NFU1: variants seen among roughly 807,000 people sequenced by gnomAD.
NFU1 encodes the protein NFU1 iron-sulfur cluster scaffold, also known as NFU1 iron-sulfur cluster scaffold homolog, mitochondrial.
In NFU1, 30 loss-of-function variants were observed where a neutral mutation model predicts 32.2. That is an observed-to-expected ratio of 0.93 (90% CI 0.70 to 1.26). The LOEUF (loss-of-function observed/expected upper bound fraction) is 1.26. Among genes scored for constraint, NFU1 ranks in the 50% most tolerant of loss-of-function variants. The pLI is 0.00. For synonymous variants in NFU1, 112 were observed against 104.6 expected (o/e 1.07, Z -0.43); for missense variants, 306 against 306.6 (o/e 1.00, Z 0.02).
At chr2:69,418,567 C>T (rs1002778543) in intron 4 of NFU1, among the ~76,000 whole-genome samples, 1 of 152,080 alleles carries the variant, frequency 6.6e-6, no homozygotes, top group African/African-American at 2.4e-5. Context: ...CCCGGGTTCA[C>T]GCCATTCTCC....
At chr2:69,409,183 A>C (rs575995706) in intron 5 of NFU1, among the ~76,000 whole-genome samples, 7 of 152,112 alleles carry the variant, frequency 4.6e-5, no homozygotes, top group Non-Finnish European at 8.8e-5. Context: ...AAATTACTCT[A>C]AAAAGTTATA....
chr2:69,398,770 C>T (rs1045167803), intron 7 of NFU1, among the ~76,000 whole-genome samples: 1 of 152,116 alleles, frequency 6.6e-6, no homozygotes, highest in Non-Finnish European at 1.5e-5. Context: ...TCTTTCTGAC[C>T]AACTGGATTT....
rs1672462082 is a variant in NFU1, at chr2:69,399,905, T to G, written c.720+459A>C. Reference sequence around the variant, plus strand: ...TTTTTTTTTTTTGACGGAGTTTCGCTTTTGTTGCCCAGGCTGGAGTGCAAT... The same window carrying G: ...TTTTTTTTTTTTGACGGAGTTTCGCGTTTGTTGCCCAGGCTGGAGTGCAAT... On this transcript the variant is annotated intron_variant, in intron 7 of 7. Coordinates refer to ENST00000410022, the MANE Select transcript of NFU1 (RefSeq NM_001002755.4). Among the ~76,000 whole-genome samples the G allele has an allele frequency of 2.6e-5, 4 of 151,928 alleles. No homozygotes were observed. The South Asian group carries it at 8.3e-4, about 31-fold the overall frequency.
At chr2:69,412,423 G>T (rs559502798) in intron 5 of NFU1, among the ~76,000 whole-genome samples, 143 of 148,672 alleles carry the variant, frequency 9.6e-4, no homozygotes, top group African/African-American at 3.5e-3. Context: ...GTCTCGCCCT[G>T]TCTCCCAGGC....
rs1055571062 is a variant in NFU1 at position 69,404,621 on chromosome 2, T to A, written c.545+1401A>T. On this transcript the variant is annotated intron_variant, in intron 6 of 7. Transcript: ENST00000410022. ...ATAACTACTATCTTAGCAAATTTTT[T>A]TTTTTTTTTTTTTTTTTGAGAAAGA... Among the ~76,000 whole-genome samples, 183 of 114,772 alleles carry A rather than the reference T, an allele frequency of 1.6e-3. 5 individuals carry two copies. Among genetic ancestry groups the A allele is most frequent in the African/African-American group, 7.5e-3 (173 of 23,106 alleles). The allele number at this position is 114,772 out of a possible 152,430, so 75.3% of individuals were successfully genotyped here.
chr2:69,399,751 T>C (rs886612751), intron 7 of NFU1, among the ~76,000 whole-genome samples: 1 of 152,214 alleles, frequency 6.6e-6, no homozygotes, highest in Admixed American at 6.5e-5. Context: ...GGCAGCAATA[T>C]GCCCTCTGAG....
chr2:69,412,536 G>A (rs1026119189), intron 5 of NFU1, among the ~76,000 whole-genome samples: 15 of 151,632 alleles, frequency 9.9e-5, no homozygotes, highest in South Asian at 2.1e-4. Context: ...ACAGGCACGC[G>A]CCACCACACC....
rs1219902624 is a variant in NFU1 at position 69,408,769 on chromosome 2, T to TATAC, written c.485-2688_485-2687insGTAT. 2.9e-3 allele frequency among the ~76,000 whole-genome samples: 381 copies of TATAC among 133,564 alleles called. 1 individual carries two copies. The highest frequency in any genetic ancestry group is 4.8e-3 in the Non-Finnish European group (302 of 62,334). The allele number at this position is 133,564 out of a possible 152,430, so 87.6% of individuals were successfully genotyped here. On this transcript the variant is annotated intron_variant, in intron 5 of 7. Coordinates refer to ENST00000410022, the MANE Select transcript of NFU1 (RefSeq NM_001002755.4). Reference sequence around the variant, plus strand: ...ATATATATATATATATATATATATATACACACACACATACATACATCAATG... The same window carrying TATAC: ...ATATATATATATATATATATATATATATACACACACACACATACATACATCAATG...
intron 4 of NFU1, among the ~76,000 whole-genome samples, chr2:69,417,672 A>G (rs1341364163): frequency 6.6e-6 from 1 of 151,898 alleles, no homozygotes; most frequent in Non-Finnish European, 1.5e-5. Context: ...GTAGATAGAT[A>G]GATATACACA....
chr2:69,414,633 A>C (rs1326362651), intron 5 of NFU1, among the ~76,000 whole-genome samples: 2 of 151,466 alleles, frequency 1.3e-5, no homozygotes, highest in Non-Finnish European at 2.9e-5. Context: ...AAAAAAAAAA[A>C]AAAAAAAAAC....
In NFU1 at chr2:69,412,650, C is replaced by G. The variant is rs554291722; in HGVS notation, c.484+2535G>C. Among the ~76,000 whole-genome samples, 9 of 151,846 alleles carry G rather than the reference C, an allele frequency of 5.9e-5. 1 individual carries two copies. Among genetic ancestry groups the G allele is most frequent in the South Asian group, 4.1e-4 (2 of 4,822 alleles). On this transcript the variant is annotated intron_variant, in intron 5 of 7. Transcript: ENST00000410022. Reference sequence around the variant, plus strand: ...TCCACCCGCCTCGGCCTCCCAAATTCCTGGGATTACAGGCGTGAGCCACCA... The same window carrying G: ...TCCACCCGCCTCGGCCTCCCAAATTGCTGGGATTACAGGCGTGAGCCACCA...
chr2:69,420,754 G>A (rs764409098), intron 3 of NFU1, among the ~76,000 whole-genome samples: 5 of 151,830 alleles, frequency 3.3e-5, no homozygotes, highest in African/African-American at 1.2e-4. Context: ...GTAGTGACAG[G>A]GTTTTATGTA....
intron 1 of NFU1, among the ~76,000 whole-genome samples, chr2:69,434,301 G>A (rs1335323396): frequency 6.6e-6 from 1 of 151,730 alleles, no homozygotes; most frequent in African/African-American, 2.4e-5. Context: ...CCACCACCAT[G>A]CCCGGCTAAT....
At chr2:69,409,397 A>G (rs1200696301) in intron 5 of NFU1, among the ~76,000 whole-genome samples, 1 of 152,132 alleles carries the variant, frequency 6.6e-6, no homozygotes, top group East Asian at 1.9e-4. Context: ...TATTTCAGTG[A>G]ACATGTTTCT....
At chr2:69,416,401 T>C (rs1368308937) in intron 4 of NFU1, among the ~76,000 whole-genome samples, 1 of 149,252 alleles carries the variant, frequency 6.7e-6, no homozygotes, top group Non-Finnish European at 1.5e-5. Context: ...TTCACTTTCA[T>C]TGTTTTAATT....
chr2:69,429,985 C>T, intron 2 of NFU1: 1 of 326,798 alleles, frequency 3.1e-6, no homozygotes, highest in Non-Finnish European at 6.1e-6. Flanking sequence ...GCCAAGATCA[C>T]ATCACTGCAC....
chr2:69,421,898 C>G (rs1300758335), intron 3 of NFU1, among the ~76,000 whole-genome samples: 1 of 152,086 alleles, frequency 6.6e-6, no homozygotes, highest in Non-Finnish European at 1.5e-5. Flanking sequence ...GTAGTCCCCC[C>G]TTATCCTCAG....
intron 5 of NFU1, among the ~76,000 whole-genome samples, chr2:69,413,919 C>T (rs13386844): frequency 0.04 from 6,034 of 151,074 alleles, 349 homozygotes; most frequent in African/African-American, 0.12. Context: ...TGGTGGTGGG[C>T]GCCTGTAATA....
intron 5 of NFU1, chr2:69,411,070 A>G (rs948622787): frequency 1.3e-5 from 2 of 152,134 alleles, no homozygotes; most frequent in African/African-American, 4.8e-5. Context: ...CACAGGGACA[A>G]AAAACATCTT....
Sources: gnomAD v4.1 joint callset for allele counts (sites outside exome capture counted in the v4.1 genomes callset) on GRCh38, gnomAD v4.1.1 for gene constraint, MANE v1.5 for transcripts, NCBI Gene and HGNC (gene_info 2026-07-23, HGNC 2026-07-21) for gene names.